The following CACNB2 variants were observed in gnomAD, a reference collection of about 807,000 sequenced individuals.
CACNB2 encodes the protein voltage-dependent L-type calcium channel subunit beta-2.
CACNB2 carries 42 observed loss-of-function variants against 73.3 expected under a neutral mutation model. The ratio of observed to expected loss-of-function variants is 0.57; its 90% CI spans 0.45 to 0.74. CACNB2 has a LOEUF of 0.74. Ranked by LOEUF, CACNB2 falls within the 30% of genes least tolerant of loss-of-function variation. The probability of loss-of-function intolerance (pLI) is 0.00; values close to 1 mark genes in which losing one functional copy is unlikely to be tolerated. For missense variants in CACNB2, 940 were observed against 853.0 expected (o/e 1.10, Z -1.27); for synonymous variants, 348 against 310.3 (o/e 1.12, Z -1.28).
At chr10:18,462,787 C>T (rs1259534781) in intron 3 of CACNB2, among the ~76,000 whole-genome samples, 3 of 151,856 alleles carry the variant, frequency 2.0e-5, no homozygotes, top group Admixed American at 6.6e-5. Flanking sequence ...GAGACAGAAT[C>T]TCACTCTGTT....
intron 3 of CACNB2, among the ~76,000 whole-genome samples, chr10:18,464,617 C>A (rs887847907): frequency 7.2e-5 from 11 of 152,016 alleles, no homozygotes; most frequent in African/African-American, 2.7e-4. Context: ...ATGGCCCTAG[C>A]CATCAATAAG....
chr10:18,352,473 A>G (rs1283143528), intron 2 of CACNB2, among the ~76,000 whole-genome samples: 1 of 152,256 alleles, frequency 6.6e-6, no homozygotes, highest in Non-Finnish European at 1.5e-5. Flanking sequence ...ATAGAGAAAG[A>G]AAAGAGAAAC....
chr10:18,220,228 TA>T (rs2035715314), intron 2 of CACNB2, among the ~76,000 whole-genome samples: 1 of 40,936 alleles, frequency 2.4e-5, no homozygotes, highest in Non-Finnish European at 3.7e-5. Context: ...TATATATATA[TA>T]TATAGAGAGA....
intron 3 of CACNB2, 48 bp downstream of exon 3, chr10:18,402,091 C>A (rs2044030745): frequency 6.3e-7 from 1 of 1,593,078 alleles, no homozygotes; most frequent in African/African-American, 1.3e-5. Flanking sequence ...TGTGCTGTGC[C>A]CCTGATAGAC....
chr10:18,496,762 C>T (rs931570904), intron 3 of CACNB2, among the ~76,000 whole-genome samples: 1 of 125,594 alleles, frequency 8.0e-6, no homozygotes, highest in African/African-American at 3.2e-5. Context: ...TGCAATGAGC[C>T]GAGATCATGC....
At chr10:18,381,849 A>G (rs571204899) in intron 2 of CACNB2, among the ~76,000 whole-genome samples, 1 of 152,146 alleles carries the variant, frequency 6.6e-6, no homozygotes, top group South Asian at 2.1e-4. Flanking sequence ...CTAACAATAC[A>G]CATTCATGAT....
chr10:18,392,768 T>C (rs1003770851), intron 2 of CACNB2, among the ~76,000 whole-genome samples: 6 of 152,142 alleles, frequency 3.9e-5, no homozygotes, highest in Non-Finnish European at 8.8e-5. Context: ...TCACTCCTTT[T>C]CTCCCATTTC....
At chr10:18,474,399 C>T (rs1034104271) in intron 3 of CACNB2, among the ~76,000 whole-genome samples, 3 of 152,170 alleles carry the variant, frequency 2.0e-5, no homozygotes, top group South Asian at 4.1e-4. Flanking sequence ...ACGTTAAGGA[C>T]ATGCCTAGGC....
chr10:18,275,587 CACATGT>C (rs1159624528), intron 2 of CACNB2, among the ~76,000 whole-genome samples: 2 of 151,924 alleles, frequency 1.3e-5, no homozygotes, highest in African/African-American at 4.8e-5. Flanking sequence ...GCACATCCTG[CACATGT>C]ACCCCTGAAC....
At chr10:18,349,252 G>A (rs1464355109) in intron 2 of CACNB2, among the ~76,000 whole-genome samples, 3 of 152,186 alleles carry the variant, frequency 2.0e-5, no homozygotes. Context: ...GCTTCTATTT[G>A]AAGGATGTGA....
chr10:18,228,441 A>AAAAAAAAAAAAAAAG (rs1564360874), intron 2 of CACNB2, among the ~76,000 whole-genome samples: 1 of 145,092 alleles, frequency 6.9e-6, no homozygotes, highest in African/African-American at 2.6e-5. Context: ...CTCAAAAAAA[A>AAAAAAAAAAAAAAAG]AAAAAAAAGA....
chr10:18,200,348 T>G (rs2034826519), intron 2 of CACNB2, among the ~76,000 whole-genome samples: 1 of 152,018 alleles, frequency 6.6e-6, no homozygotes, highest in African/African-American at 2.4e-5. Context: ...AATCCATATA[T>G]TGTACTAATT....
At chr10:18,516,311 A>G (rs1371310159) in intron 7 of CACNB2, among the ~76,000 whole-genome samples, 1 of 152,210 alleles carries the variant, frequency 6.6e-6, no homozygotes, top group African/African-American at 2.4e-5. Flanking sequence ...CAAAGCACCA[A>G]TATTCCATCA....
chr10:18,268,441 A>C (rs1019255174), intron 2 of CACNB2, among the ~76,000 whole-genome samples: 5 of 152,250 alleles, frequency 3.3e-5, no homozygotes, highest in African/African-American at 1.2e-4. Flanking sequence ...TATAGACATT[A>C]AAGAGAAAAG....
intron 3 of CACNB2, among the ~76,000 whole-genome samples, chr10:18,421,617 A>G (rs1450484087): frequency 6.6e-6 from 1 of 152,070 alleles, no homozygotes; most frequent in Non-Finnish European, 1.5e-5. Flanking sequence ...GTATTTTTAA[A>G]AGGTTTTTTA....
intron 2 of CACNB2, among the ~76,000 whole-genome samples, chr10:18,297,367 G>A (rs537599751): frequency 6.6e-5 from 10 of 152,238 alleles, no homozygotes; most frequent in Non-Finnish European, 1.2e-4. Context: ...AACACAGCAA[G>A]ACCCTGCCTC....
At chr10:18,500,405 T>G (rs1360918880) in intron 4 of CACNB2, among the ~76,000 whole-genome samples, 1 of 152,180 alleles carries the variant, frequency 6.6e-6, no homozygotes, top group African/African-American at 2.4e-5. Flanking sequence ...TAAGGTACAC[T>G]TCAATATTTA....
intron 2 of CACNB2, among the ~76,000 whole-genome samples, chr10:18,293,925 G>T (rs2039172174): frequency 6.6e-6 from 1 of 152,174 alleles, no homozygotes; most frequent in South Asian, 2.1e-4. Flanking sequence ...ACCAGTCACG[G>T]TTTTTTAGGT....
intron 4 of CACNB2, among the ~76,000 whole-genome samples, chr10:18,499,260 T>C (rs753428323): frequency 6.6e-6 from 1 of 152,116 alleles, no homozygotes; most frequent in Non-Finnish European, 1.5e-5. Context: ...ATAGGAAGTA[T>C]GTGTAAATCG....
Sources: gnomAD v4.1 joint callset for allele counts (sites outside exome capture counted in the v4.1 genomes callset) on GRCh38, gnomAD v4.1.1 for gene constraint, MANE v1.5 for transcripts, NCBI Gene and HGNC (gene_info 2026-07-23, HGNC 2026-07-21) for gene names.